ANO4: variants seen among roughly 807,000 people sequenced by gnomAD.
ANO4 encodes the protein anoctamin 4.
ANO4 carries 69 observed loss-of-function variants against 141.9 expected under a neutral mutation model. The ratio of observed to expected loss-of-function variants is 0.49; its 90% CI spans 0.40 to 0.59. ANO4 has a LOEUF of 0.59. Ranked by LOEUF, ANO4 falls within the 20% of genes least tolerant of loss-of-function variation. The pLI is 0.00. For missense variants in ANO4, 894 were observed against 1,162.2 expected (o/e 0.77, Z 3.36); for synonymous variants, 350 against 394.3 (o/e 0.89, Z 1.33).
intron 26 of ANO4, among the ~76,000 whole-genome samples, chr12:101,125,501 T>G (rs2051274531): frequency 6.6e-6 from 1 of 152,188 alleles, no homozygotes; most frequent in Non-Finnish European, 1.5e-5. Context: ...CTTCCAATAC[T>G]GCGTTGAAAA....
At chr12:100,837,684 C>T (rs2037003321) in intron 1 of ANO4, among the ~76,000 whole-genome samples, 1 of 145,890 alleles carries the variant, frequency 6.9e-6, no homozygotes, top group Non-Finnish European at 1.5e-5. Flanking sequence ...TGGACCACTG[C>T]ACTCCAGTCT....
chr12:100,942,574 A>G (rs1463790791), intron 5 of ANO4, 39 bp downstream of exon 5: 2 of 1,584,398 alleles, frequency 1.3e-6, no homozygotes, highest in Non-Finnish European at 8.6e-7. Context: ...ATATATACAT[A>G]TCTATTCATA....
chr12:100,881,487 A>C (rs1220814304), intron 1 of ANO4, among the ~76,000 whole-genome samples: 2 of 150,956 alleles, frequency 1.3e-5, no homozygotes, highest in Admixed American at 6.6e-5. Flanking sequence ...CCACTATTGG[A>C]TAACAAATAA....
chr12:101,086,859 A>T, intron 17 of ANO4, 35 bp downstream of exon 17: 2 of 1,603,538 alleles, frequency 1.2e-6, no homozygotes, highest in Non-Finnish European at 1.7e-6. Flanking sequence ...AAACGGATCA[A>T]AATGTGTGGG....
At chr12:100,791,123 A>G (rs1369180753), upstream of ANO4, among the ~76,000 whole-genome samples, 1 of 152,192 alleles carries the variant, frequency 6.6e-6, no homozygotes, top group Non-Finnish European at 1.5e-5. Flanking sequence ...TCATGCCTGT[A>G]ATCCTAGCAC....
At chr12:100,861,303 C>T (rs564743335) in intron 1 of ANO4, among the ~76,000 whole-genome samples, 1 of 152,252 alleles carries the variant, frequency 6.6e-6, no homozygotes, top group Admixed American at 6.5e-5. Context: ...TGTACTTAAA[C>T]CTAGATGGTA....
intron 26 of ANO4, among the ~76,000 whole-genome samples, chr12:101,121,752 ACTTTTTT>A (rs1951037201): frequency 3.4e-5 from 2 of 59,224 alleles, no homozygotes; most frequent in African/African-American, 1.6e-4. Flanking sequence ...TAATTTGTTT[ACTTTTTT>A]TTTTTTTTTT....
At chr12:100,841,598 C>T (rs1030789372) in intron 1 of ANO4, among the ~76,000 whole-genome samples, 10 of 152,048 alleles carry the variant, frequency 6.6e-5, no homozygotes, top group African/African-American at 2.4e-4. Flanking sequence ...ATTTGACAGT[C>T]CTAAATAAAG....
intron 9 of ANO4, among the ~76,000 whole-genome samples, chr12:101,027,347 C>T (rs61944927): frequency 1.3e-5 from 2 of 152,074 alleles, no homozygotes; most frequent in Admixed American, 6.5e-5. Flanking sequence ...AGAGCTCCTG[C>T]GGGGAGGGGT....
intron 3 of ANO4, among the ~76,000 whole-genome samples, chr12:100,932,201 A>T (rs1045218768): frequency 6.6e-6 from 1 of 152,054 alleles, no homozygotes; most frequent in Non-Finnish European, 1.5e-5. Flanking sequence ...TGCATCTGAA[A>T]TTTATATATC....
At chr12:100,800,247 A>G (rs1247942295) in intron 1 of ANO4, among the ~76,000 whole-genome samples, 2 of 152,182 alleles carry the variant, frequency 1.3e-5, no homozygotes, top group Non-Finnish European at 2.9e-5. Flanking sequence ...TTCCTTCACC[A>G]TTCACTCATT....
chr12:101,033,755 G>A (rs1167588165), intron 9 of ANO4, among the ~76,000 whole-genome samples: 1 of 151,956 alleles, frequency 6.6e-6, no homozygotes. Context: ...GACAGAAATC[G>A]AATATCCAGA....
At chr12:100,829,329 TAA>T (rs1372592969) in intron 1 of ANO4, among the ~76,000 whole-genome samples, 23 of 152,224 alleles carry the variant, frequency 1.5e-4, no homozygotes. Flanking sequence ...TTCTATCCCA[TAA>T]AGTTATTGTG....
intron 7 of ANO4, among the ~76,000 whole-genome samples, chr12:100,980,029 C>G (rs1234187406): frequency 6.6e-6 from 1 of 151,984 alleles, no homozygotes; most frequent in African/African-American, 2.4e-5. Context: ...CGTGAGCCAC[C>G]ACGCCCGGCC....
chr12:101,074,369 G>A (rs576299202), intron 14 of ANO4, among the ~76,000 whole-genome samples: 30 of 152,250 alleles, frequency 2.0e-4, no homozygotes, highest in African/African-American at 6.0e-4. Context: ...GGTTCTACCC[G>A]TCCAGAAGGG....
chr12:100,808,564 C>T (rs1453032743), intron 1 of ANO4, among the ~76,000 whole-genome samples: 4 of 152,092 alleles, frequency 2.6e-5, no homozygotes, highest in African/African-American at 9.7e-5. Flanking sequence ...TTATGAATCT[C>T]CTTAGTTAAT....
intron 3 of ANO4, among the ~76,000 whole-genome samples, chr12:100,788,983 T>C (rs2033958713): frequency 6.6e-6 from 1 of 151,914 alleles, no homozygotes; most frequent in African/African-American, 2.4e-5. Context: ...AAGAAACAGA[T>C]ATGCAGACCC....
chr12:100,939,084 G>A (rs995811712), intron 3 of ANO4, among the ~76,000 whole-genome samples: 6 of 152,084 alleles, frequency 3.9e-5, no homozygotes, highest in African/African-American at 9.7e-5. Context: ...TTTACATTAC[G>A]GATGTACTTT....
intron 25 of ANO4, among the ~76,000 whole-genome samples, chr12:101,120,050 T>C (rs939993767): frequency 2.6e-5 from 4 of 152,168 alleles, no homozygotes; most frequent in African/African-American, 9.7e-5. Context: ...AGGGGTGATA[T>C]GAGCTTCAGT....
Sources: allele counts gnomAD v4.1 joint callset (sites outside exome capture counted in the v4.1 genomes callset), GRCh38; gene constraint gnomAD v4.1.1; transcripts MANE v1.5; gene names NCBI Gene and HGNC (gene_info 2026-07-23, HGNC 2026-07-21).